Variants in GSG1L observed in about 807,000 individuals in gnomAD.
GSG1L encodes GSG1 like.
In GSG1L, 24 loss-of-function variants were observed where a neutral mutation model predicts 42.1. That is an observed-to-expected ratio of 0.57 (90% CI 0.41 to 0.80). GSG1L has a LOEUF of 0.80. GSG1L is among the 30% of genes least tolerant of loss of function. The pLI is 0.00. For synonymous variants in GSG1L, 215 were observed against 203.5 expected, an observed-to-expected ratio of 1.06 and a Z score of -0.48; for missense variants, 445 against 472.2, an observed-to-expected ratio of 0.94 and a Z score of 0.53.
intron 1 of GSG1L, among the ~76,000 whole-genome samples, chr16:28,062,002 G>C (rs746408468): frequency 6.6e-6 from 1 of 152,222 alleles, no homozygotes; most frequent in African/African-American, 2.4e-5. Context: ...ACTAAGGGTG[G>C]AGGTCTGCTG....
In GSG1L at chr16:27,828,700, G is replaced by C; in HGVS notation, c.830+89C>G. ...CCCCTCTGTCATACCATTCATTCCA[G>C]TTTTTGACTGGGGCCCGGTGGCCAC... On this transcript the variant is annotated intron_variant, in intron 5 of 6. Coordinates refer to ENST00000447459, the MANE Select transcript of GSG1L (RefSeq NM_001109763.2). The C allele has an allele frequency of 5.2e-6, 7 of 1,335,480 alleles. No individual in the cohort carries two copies. The South Asian group carries it at 8.3e-5, about 16-fold the overall frequency. The allele number at this position is 1,335,480 out of a possible 1,614,324, so 82.7% of individuals were successfully genotyped here. A position where few individuals can be genotyped will look rare whatever the true frequency, so the allele number is the denominator to read the frequency against.
At chr16:27,815,316 C>G (rs1191869876) in intron 5 of GSG1L, among the ~76,000 whole-genome samples, 1 of 152,172 alleles carries the variant, frequency 6.6e-6, no homozygotes, top group African/African-American at 2.4e-5. Flanking sequence ...ATCTCCACCT[C>G]TCTCTTGCTC....
Position 27,813,269 on chromosome 16 carries a change from G to C in GSG1L, c.831-5715C>G, listed in dbSNP as rs868243415. 9.4e-5 allele frequency among the ~76,000 whole-genome samples: 12 copies of C among 127,768 alleles called. No homozygotes were observed. The South Asian group carries it at 1.4e-3, about 15-fold the overall frequency. 83.8% of individuals were successfully genotyped at this position (127,768 alleles called of 152,430 possible). A position where few individuals can be genotyped will look rare whatever the true frequency, so the allele number is the denominator to read the frequency against. ...ACCCTCCACCTTCAAGTAGGTCCTGGTGTCTGTTGTTCCCTCATCATTTAG... is the reference window on the plus strand; with the variant it reads ...ACCCTCCACCTTCAAGTAGGTCCTGCTGTCTGTTGTTCCCTCATCATTTAG... On this transcript the variant is annotated intron_variant, in intron 5 of 6. Transcript: ENST00000447459.
At chr16:27,979,693 AG>A (rs2085298005) in intron 1 of GSG1L, among the ~76,000 whole-genome samples, 1 of 40,434 alleles carries the variant, frequency 2.5e-5, no homozygotes, top group Non-Finnish European at 5.3e-5. Context: ...GAAAGAAGGA[AG>A]GAAGGAAGGA....
chr16:27,916,216 A>T (rs1295110836), intron 2 of GSG1L, among the ~76,000 whole-genome samples: 1 of 152,098 alleles, frequency 6.6e-6, no homozygotes, highest in East Asian at 1.9e-4. Context: ...CTCTGGGGAG[A>T]CCACACCCCT....
intron 4 of GSG1L, 94 bp from the exon 5 acceptor site, chr16:27,829,050 G>T: frequency 4.0e-6 from 5 of 1,237,750 alleles, no homozygotes; most frequent in Non-Finnish European, 4.5e-6. Flanking sequence ...TCCCTGCATG[G>T]CTGCCTTTTC....
intron 2 of GSG1L, among the ~76,000 whole-genome samples, chr16:27,947,542 AAAG>A (rs1231761857): frequency 2.1e-4 from 7 of 34,006 alleles, no homozygotes; most frequent in Non-Finnish European, 4.1e-4. Context: ...AGAATGAAGG[AAAG>A]AAAGAAAGAA....
rs2086315016 is a variant in GSG1L at position 28,059,328 on chromosome 16, G to A, written c.349+3748C>T. Among the ~76,000 whole-genome samples the A allele has an allele frequency of 6.6e-6, 1 of 152,058 alleles. No homozygotes were observed. The highest frequency in any genetic ancestry group is 2.1e-4 in the South Asian group (1 of 4,822). ...GGACTGTGGGAGGGGCCACCGCGGT[G>A]TGGGGTGTGTTGGCTCCCCGCCTGG... On this transcript the variant is annotated intron_variant, in intron 1 of 6. Transcript: ENST00000447459. The surrounding 1 kb of genome is among the most constrained non-coding windows in gnomAD (Gnocchi z 4.4).
intron 2 of GSG1L, among the ~76,000 whole-genome samples, chr16:27,929,051 G>C (rs757184894): frequency 7.2e-5 from 11 of 152,218 alleles, no homozygotes; most frequent in Non-Finnish European, 1.6e-4. Flanking sequence ...GGTCCTACCT[G>C]AGACCTATTG....
At chr16:27,903,132 C>T (rs2084280901) in intron 2 of GSG1L, among the ~76,000 whole-genome samples, 1 of 152,044 alleles carries the variant, frequency 6.6e-6, no homozygotes, top group Non-Finnish European at 1.5e-5. Context: ...GGGAGTCCAG[C>T]AAGAAGAACG....
intron 4 of GSG1L, among the ~76,000 whole-genome samples, chr16:27,830,542 C>A (rs565006487): frequency 5.9e-5 from 9 of 152,336 alleles, no homozygotes; most frequent in African/African-American, 2.2e-4. Flanking sequence ...GTTCCCATTT[C>A]TTTCATGATA....
At chr16:27,832,608 A>G (rs963568757) in intron 4 of GSG1L, among the ~76,000 whole-genome samples, 1 of 152,210 alleles carries the variant, frequency 6.6e-6, no homozygotes, top group African/African-American at 2.4e-5. Context: ...GTTTCTTCAC[A>G]TCCTCACCAG....
At chr16:27,855,099 C>T (rs926044844) in intron 3 of GSG1L, among the ~76,000 whole-genome samples, 1 of 152,160 alleles carries the variant, frequency 6.6e-6, no homozygotes. Flanking sequence ...GGACAACAGA[C>T]ATCCAGGGTG....
At chr16:27,985,278 C>A (rs1016764497) in intron 1 of GSG1L, among the ~76,000 whole-genome samples, 5 of 152,026 alleles carry the variant, frequency 3.3e-5, no homozygotes, top group African/African-American at 9.7e-5. Context: ...GTCATGGGGG[C>A]AGATTCCTCA....
chr16:27,931,632 C>T (rs1056165546), intron 2 of GSG1L, among the ~76,000 whole-genome samples: 12 of 152,198 alleles, frequency 7.9e-5, no homozygotes, highest in South Asian at 4.1e-4. Flanking sequence ...ACGTAATCTA[C>T]GCTGTGACTC....
chr16:27,948,280 T>C (rs1263983414), intron 2 of GSG1L, among the ~76,000 whole-genome samples: 1 of 152,202 alleles, frequency 6.6e-6, no homozygotes, highest in Non-Finnish European at 1.5e-5. Flanking sequence ...TAACCTAGTG[T>C]AACAGCAGTA....
intron 5 of GSG1L, among the ~76,000 whole-genome samples, chr16:27,816,297 A>C (rs2083092960): frequency 6.6e-6 from 1 of 152,216 alleles, no homozygotes; most frequent in Non-Finnish European, 1.5e-5. Flanking sequence ...GAAGGGCTTC[A>C]AAGGTATCGA....
chr16:27,957,219 C>T lies in GSG1L; in HGVS notation c.397+5937G>A, dbSNP rs187684091. Among the ~76,000 whole-genome samples, 493 of 152,250 alleles carry T rather than the reference C, an allele frequency of 3.2e-3. 2 individuals are homozygous for T. Among genetic ancestry groups the T allele is most frequent in the African/African-American group, 0.011 (468 of 41,562 alleles). On this transcript the variant is annotated intron_variant, in intron 2 of 6. Transcript: ENST00000447459. The stretch of plus-strand genomic sequence containing the variant: ...CAAAATAGCTGGATGTGGTGGCACA[C>T]GCCTGCAGTCCCAGCTACTCGGGAG...
intron 2 of GSG1L, among the ~76,000 whole-genome samples, chr16:27,948,609 C>CTTTTTT (rs202151239): frequency 5.1e-5 from 6 of 116,600 alleles, no homozygotes; most frequent in Non-Finnish European, 7.1e-5. Context: ...TCTTCTTCTT[C>CTTTTTT]TTTTTTTTTT....
Sources: gnomAD v4.1 joint callset for allele counts (sites outside exome capture counted in the v4.1 genomes callset) on GRCh38, gnomAD v4.1.1 for gene constraint, Gnocchi (gnomAD v3.1) non-coding constraint, MANE v1.5 for transcripts, NCBI Gene and HGNC (gene_info 2026-07-23, HGNC 2026-07-21) for gene names.